Variants in PTAR1 observed in about 807,000 individuals in gnomAD.
PTAR1 encodes the protein protein prenyltransferase alpha subunit repeat containing 1, also known as protein prenyltransferase alpha subunit repeat-containing protein 1.
PTAR1 carries 17 observed loss-of-function variants against 45.5 expected under a neutral mutation model. That is an observed-to-expected ratio of 0.37 (90% CI 0.26 to 0.56). The LOEUF is 0.56. Ranked by LOEUF, PTAR1 falls within the 20% of genes least tolerant of loss-of-function variation. The pLI is 0.77. For missense variants in PTAR1, 391 were observed against 476.3 expected (o/e 0.82, Z 1.67); for synonymous variants, 169 against 171.3 (o/e 0.99, Z 0.11).
intron 2 of PTAR1, among the ~76,000 whole-genome samples, chr9:69,750,120 T>C (rs1389946260): frequency 6.6e-6 from 1 of 151,694 alleles, no homozygotes; most frequent in Admixed American, 6.6e-5. Context: ...GGAGGCTTAA[T>C]ATGGCAGAAC....
intron 4 of PTAR1, among the ~76,000 whole-genome samples, chr9:69,733,393 G>A (rs181435663): frequency 5.3e-5 from 8 of 152,224 alleles, no homozygotes; most frequent in African/African-American, 1.9e-4. Flanking sequence ...AAATGCCCAC[G>A]ATTTAAGAAA....
chr9:69,728,233 T>G (rs559607854), intron 5 of PTAR1, among the ~76,000 whole-genome samples: 1 of 152,194 alleles, frequency 6.6e-6, no homozygotes, highest in African/African-American at 2.4e-5. Flanking sequence ...AATATGGCTA[T>G]TAATGTTCTC....
chr9:69,751,017 T>A (rs909845149), intron 1 of PTAR1, 67 bp from the exon 2 acceptor site: 1 of 1,151,776 alleles, frequency 8.7e-7, no homozygotes, highest in African/African-American at 1.6e-5. Context: ...TTTTTCTAAT[T>A]TCAGAGTATT....
At chr9:69,720,566 A>G (rs766292897) in intron 6 of PTAR1, among the ~76,000 whole-genome samples, 1 of 152,246 alleles carries the variant, frequency 6.6e-6, no homozygotes, top group Non-Finnish European at 1.5e-5. Context: ...TGATGAAGGC[A>G]GCTATACTGA....
At chr9:69,738,313 AC>A (rs1825884467) in intron 3 of PTAR1, among the ~76,000 whole-genome samples, 1 of 152,224 alleles carries the variant, frequency 6.6e-6, no homozygotes, top group Admixed American at 6.5e-5. Flanking sequence ...AATCTGGATT[AC>A]CTGGCTGAGT....
rs767586482 is a variant in PTAR1, at chr9:69,750,763, AAT to A, written c.256+16_256+17del. On this transcript the variant is annotated intron_variant, in intron 2 of 7. Transcript: ENST00000340434. The stretch of plus-strand genomic sequence containing the variant: ...TCGCTTCTAAAAACCAAATGAAGAA[AAT>A]ATGATTCATACTTACCATCTCTGTT... 5.7e-6 allele frequency: 9 copies of A among 1,579,902 alleles called. No homozygotes were observed. In the African/African-American group the frequency reaches 8.2e-5, roughly 14 times the overall value.
At chr9:69,740,265 G>A (rs1197556866) in intron 3 of PTAR1, among the ~76,000 whole-genome samples, 2 of 151,762 alleles carry the variant, frequency 1.3e-5, no homozygotes, top group Admixed American at 6.6e-5. Context: ...TTTTGTTGAA[G>A]CATTTTTGAA....
At chr9:69,733,479 C>T (rs111775988) in intron 4 of PTAR1, among the ~76,000 whole-genome samples, 2,454 of 152,218 alleles carry the variant, frequency 0.016, 69 homozygotes, top group African/African-American at 0.056. Flanking sequence ...CCACACCATC[C>T]CATTTTGGTC....
At chr9:69,752,895 C>T (rs1325253265) in intron 1 of PTAR1, among the ~76,000 whole-genome samples, 1 of 151,992 alleles carries the variant, frequency 6.6e-6, no homozygotes, top group Non-Finnish European at 1.5e-5. Context: ...CTATACTTGA[C>T]TAATATATGA....
chr9:69,759,932 C>T lies in PTAR1; in HGVS notation c.7G>A (p.Glu3Lys). The T allele has an allele frequency of 1.3e-6, 2 of 1,507,614 alleles. No individual in the cohort carries two copies. Among genetic ancestry groups the T allele is most frequent in the East Asian group, 2.9e-5 (1 of 34,654 alleles). The allele number at this position is 1,507,614 out of a possible 1,614,324, so 93.4% of individuals were successfully genotyped here. A position where few individuals can be genotyped will look rare whatever the true frequency, so the allele number is the denominator to read the frequency against. MA[E>K]TSEEVAVLVQ... ...AGCACCGCCACCTCCTCGCTGGTCT[C>T]GGCCATGTTGGCGGCGGCCGCGACA... Residue 3 changes from glutamate to lysine, a missense_variant, in exon 1 of 8, where the codon GAG becomes AAG. By Grantham distance (56) the Glu-to-Lys change is moderately conservative (BLOSUM62 1). Transcript: ENST00000340434.
At chr9:69,748,699 A>G (rs2134158178) in intron 2 of PTAR1, among the ~76,000 whole-genome samples, 1 of 152,262 alleles carries the variant, frequency 6.6e-6, no homozygotes, top group South Asian at 2.1e-4. Flanking sequence ...TTAAAGGTGT[A>G]GCATTTTCAT....
Position 69,714,318 on chromosome 9 carries a change from TA to T in PTAR1, c.*4023del, listed in dbSNP as rs1441398190. 3 of 91,408 alleles carry T rather than the reference TA, an allele frequency of 3.3e-5. No individual in the cohort carries two copies. Among genetic ancestry groups the T allele is most frequent in the African/African-American group, 1.2e-4 (3 of 24,494 alleles). The allele number at this position is 91,408 out of a possible 1,614,324, so 5.7% of individuals were successfully genotyped here. A position where few individuals can be genotyped will look rare whatever the true frequency, so the allele number is the denominator to read the frequency against. On this transcript the variant is annotated 3_prime_UTR_variant, in exon 8 of 8. Transcript: ENST00000340434. ...TCCAGTAGCAAAATAATAGTTAGCT[TA>T]AAACAGCTTTTTAGAAAAAAAAAAT...
chr9:69,739,713 G>A (rs1390352314), intron 3 of PTAR1, among the ~76,000 whole-genome samples: 2 of 152,146 alleles, frequency 1.3e-5, no homozygotes, highest in Admixed American at 1.3e-4. Context: ...TTTGAAGTTG[G>A]TAGTTTGTTG....
intron 5 of PTAR1, among the ~76,000 whole-genome samples, chr9:69,725,027 A>C (rs1405730271): frequency 6.6e-6 from 1 of 152,196 alleles, no homozygotes; most frequent in Admixed American, 6.5e-5. Flanking sequence ...AAGGTGAAGA[A>C]AAATAGCACC....
intron 2 of PTAR1, among the ~76,000 whole-genome samples, chr9:69,748,460 T>C (rs983019403): frequency 6.6e-6 from 1 of 151,392 alleles, no homozygotes; most frequent in Non-Finnish European, 1.5e-5. Flanking sequence ...TTCCTAAACA[T>C]CTAAGGAATT....
intron 6 of PTAR1, 93 bp from the exon 7 acceptor site, chr9:69,718,777 A>C: frequency 1.1e-6 from 1 of 927,796 alleles, no homozygotes; most frequent in Non-Finnish European, 1.6e-6. Flanking sequence ...CAAAACATAC[A>C]GTATTCAATT....
At chr9:69,731,891 T>G in intron 5 of PTAR1, 1 of 516,972 alleles carries the variant, frequency 1.9e-6, no homozygotes, top group South Asian at 2.4e-5. Flanking sequence ...TCAATCTTCC[T>G]CAGTTGGTTA....
At chr9:69,749,064 C>A (rs1826405772) in intron 2 of PTAR1, among the ~76,000 whole-genome samples, 1 of 152,040 alleles carries the variant, frequency 6.6e-6, no homozygotes, top group South Asian at 2.1e-4. Flanking sequence ...TGAGCTTAAC[C>A]ATTTAATATT....
intron 6 of PTAR1, among the ~76,000 whole-genome samples, chr9:69,719,593 G>A (rs142998240): frequency 4.6e-5 from 7 of 152,268 alleles, no homozygotes; most frequent in Non-Finnish European, 1.0e-4. Context: ...GCTGCCTAAT[G>A]ACAATGAGTC....
Sources: gnomAD v4.1 joint callset for allele counts (sites outside exome capture counted in the v4.1 genomes callset) on GRCh38, gnomAD v4.1.1 for gene constraint, MANE v1.5 for transcripts, NCBI Gene and HGNC (gene_info 2026-07-23, HGNC 2026-07-21) for gene names.